COL4A2: variants seen among roughly 807,000 people sequenced by gnomAD.
The protein encoded by COL4A2 is collagen alpha-2(IV) chain.
COL4A2 carries 99 observed loss-of-function variants against 200.2 expected under a neutral mutation model. The ratio of observed to expected loss-of-function variants is 0.49; its 90% CI spans 0.42 to 0.58. The LOEUF (loss-of-function observed/expected upper bound fraction) is 0.58, where lower values mean the gene tolerates loss of function less well. Among genes scored for constraint, COL4A2 ranks in the 20% least tolerant of loss-of-function variants. The pLI, the probability that COL4A2 is intolerant of heterozygous loss-of-function variation, is 0.00. For missense variants in COL4A2, 1,950 were observed against 2,314.1 expected (o/e 0.84, Z 3.23); for synonymous variants, 897 against 900.6 (o/e 1.00, Z 0.07).
chr13:110,458,935 G>A lies in COL4A2; in HGVS notation c.1596+1G>A, dbSNP rs1566545708. On this transcript the variant is annotated splice_donor_variant, in intron 22 of 47. Transcript: ENST00000360467. LOFTEE classifies it high-confidence loss of function. ...CCTCCCTGGGTTCCCAGGGCTCAAG[G>A]TGAGGAGCAATTTCATCATGAAGCT... The A allele has an allele frequency of 6.4e-7, 1 of 1,551,796 alleles. No individual in the cohort carries two copies. The highest frequency in any genetic ancestry group is 8.7e-7 in the Non-Finnish European group (1 of 1,151,714).
chr13:110,445,420 G>A (rs746380148), intron 16 of COL4A2, among the ~76,000 whole-genome samples: 28 of 152,202 alleles, frequency 1.8e-4, no homozygotes, highest in East Asian at 3.9e-4. Context: ...AATGACTCAC[G>A]TGGAGGAAAC....
At chr13:110,463,817 T>C (rs1882126231) in intron 24 of COL4A2, among the ~76,000 whole-genome samples, 1 of 152,202 alleles carries the variant, frequency 6.6e-6, no homozygotes, top group Admixed American at 6.5e-5. Flanking sequence ...TTTATAGACA[T>C]CAGCCACCAC....
chr13:110,438,468 G>C (rs1283897380), intron 14 of COL4A2, 150 bp from the exon 15 acceptor site: 1 of 1,039,424 alleles, frequency 9.6e-7, no homozygotes, highest in African/African-American at 1.6e-5. Context: ...ACCGTGCCCT[G>C]CACTGCGCCT....
chr13:110,465,641 C>A, intron 25 of COL4A2, 35 bp downstream of exon 25: 1 of 1,526,598 alleles, frequency 6.6e-7, no homozygotes, highest in Non-Finnish European at 8.9e-7. Context: ...CTTTCACAGT[C>A]CTGAGACATT....
intron 34 of COL4A2, among the ~76,000 whole-genome samples, chr13:110,487,744 T>C (rs1457031911): frequency 6.6e-6 from 1 of 152,176 alleles, no homozygotes; most frequent in African/African-American, 2.4e-5. Flanking sequence ...ACGATTCAGT[T>C]TCATCGATGT....
chr13:110,356,872 T>C (rs1285610530), intron 3 of COL4A2, among the ~76,000 whole-genome samples: 1 of 152,018 alleles, frequency 6.6e-6, no homozygotes, highest in African/African-American at 2.4e-5. Context: ...TTCAAGCGAT[T>C]TTCCTGCCTC....
intron 4 of COL4A2, among the ~76,000 whole-genome samples, chr13:110,415,979 T>A (rs1173653627): frequency 6.6e-6 from 1 of 152,256 alleles, no homozygotes; most frequent in Non-Finnish European, 1.5e-5. Flanking sequence ...CACGTGCCAT[T>A]GGCACATGAA....
intron 4 of COL4A2, among the ~76,000 whole-genome samples, chr13:110,384,674 G>A (rs570020204): frequency 6.6e-6 from 1 of 152,266 alleles, no homozygotes; most frequent in Admixed American, 6.5e-5. Flanking sequence ...ACCTTCTGGG[G>A]GACGCTGGTC....
chr13:110,347,733 C>T (rs77399847), intron 3 of COL4A2, among the ~76,000 whole-genome samples: 5,958 of 152,330 alleles, frequency 0.039, 320 homozygotes, highest in African/African-American at 0.13. Context: ...CACTAAAGTA[C>T]GGCTGTCAGA....
chr13:110,349,080 C>T (rs1876836664), intron 3 of COL4A2, among the ~76,000 whole-genome samples: 2 of 152,112 alleles, frequency 1.3e-5, no homozygotes, highest in Admixed American at 6.5e-5. Flanking sequence ...CTGAAGAGGG[C>T]TGGGTGCATT....
chr13:110,426,446 G>A lies in COL4A2; in HGVS notation c.360+1449G>A, dbSNP rs578060248. Among the ~76,000 whole-genome samples the A allele has an allele frequency of 8.5e-5, 13 of 152,254 alleles. No individual in the cohort carries two copies. In the East Asian group the frequency reaches 2.1e-3, roughly 25 times the overall value. ...GCTCAAAGGATCCAGTCTCTTAACCGCAGAACTCTGATACTACAAATTAAG... is the reference window on the plus strand; with the variant it reads ...GCTCAAAGGATCCAGTCTCTTAACCACAGAACTCTGATACTACAAATTAAG... On this transcript the variant is annotated intron_variant, in intron 6 of 47. Coordinates refer to ENST00000360467, the MANE Select transcript of COL4A2 (RefSeq NM_001846.4).
At chr13:110,406,317 G>T (rs981987150) in intron 4 of COL4A2, among the ~76,000 whole-genome samples, 6 of 152,304 alleles carry the variant, frequency 3.9e-5, no homozygotes, top group African/African-American at 7.2e-5. Flanking sequence ...TGGGCGAGGT[G>T]TAGGCCCCAA....
chr13:110,445,965 T>A, intron 17 of COL4A2, 83 bp downstream of exon 17: 1 of 1,460,598 alleles, frequency 6.8e-7, no homozygotes, highest in Non-Finnish European at 9.6e-7. Context: ...TGGTGTCCTG[T>A]GGAGGCATCC....
chr13:110,486,513 C>T (rs1422829428), intron 34 of COL4A2, among the ~76,000 whole-genome samples: 1 of 152,210 alleles, frequency 6.6e-6, no homozygotes, highest in African/African-American at 2.4e-5. Flanking sequence ...AGTGTATTCT[C>T]ACAGTCCCTA....
intron 34 of COL4A2, among the ~76,000 whole-genome samples, chr13:110,487,860 C>A (rs558240678): frequency 6.6e-6 from 1 of 152,310 alleles, no homozygotes; most frequent in African/African-American, 2.4e-5. Context: ...TTCAGTGACA[C>A]ACGAGTTCAG....
rs1424194435 is a variant in COL4A2 at position 110,469,339 on chromosome 13, G to A, written c.2203+15G>A. On this transcript the variant is annotated intron_variant, in intron 28 of 47. Coordinates refer to ENST00000360467, the MANE Select transcript of COL4A2 (RefSeq NM_001846.4). ...AGGACCCCCAGGTGAGTTGAGATCA[G>A]ACCCCCATTCAGCCCCTGGGTTCCA... The A allele has an allele frequency of 6.4e-7, 1 of 1,562,544 alleles. No individual in the cohort carries two copies. Among genetic ancestry groups the A allele is most frequent in the Non-Finnish European group, 8.7e-7 (1 of 1,153,166 alleles).
chr13:110,450,537 C>A, intron 20 of COL4A2, 83 bp downstream of exon 20: 1 of 1,510,414 alleles, frequency 6.6e-7, no homozygotes. Context: ...TTGGGATTCT[C>A]TGCTAAATGA....
intron 43 of COL4A2, 44 bp downstream of exon 43, chr13:110,503,525 G>A: frequency 8.3e-7 from 1 of 1,208,210 alleles, no homozygotes; most frequent in Non-Finnish European, 1.2e-6. Context: ...GCTCAGCCCA[G>A]CCTCTCCAGG....
At chr13:110,342,677 A>G (rs763048078) in intron 3 of COL4A2, among the ~76,000 whole-genome samples, 22 of 152,168 alleles carry the variant, frequency 1.4e-4, no homozygotes, top group Non-Finnish European at 8.8e-5. Flanking sequence ...TGGGATGAGC[A>G]TTCCTCACAA....
Sources: allele counts gnomAD v4.1 joint callset (sites outside exome capture counted in the v4.1 genomes callset), GRCh38; gene constraint gnomAD v4.1.1; transcripts MANE v1.5; gene names NCBI Gene and HGNC (gene_info 2026-07-23, HGNC 2026-07-21).